TRPC6: variants seen among roughly 807,000 people sequenced by gnomAD.
The protein encoded by TRPC6 is transient receptor potential cation channel subfamily C member 6.
TRPC6 carries 55 observed loss-of-function variants against 90.7 expected under a neutral mutation model. The ratio of observed to expected loss-of-function variants is 0.61; its 90% CI spans 0.49 to 0.76. The LOEUF (loss-of-function observed/expected upper bound fraction) is 0.76, where lower values mean the gene tolerates loss of function less well. Among genes scored for constraint, TRPC6 ranks in the 30% least tolerant of loss-of-function variants. TRPC6 has a pLI of 0.00. For missense variants in TRPC6, 989 were observed against 1,122.7 expected (o/e 0.88, Z 1.70); for synonymous variants, 393 against 393.0 (o/e 1.00, Z 0.00).
chr11:101,494,593 AAAGT>A (rs1166637602), intron 2 of TRPC6, among the ~76,000 whole-genome samples: 2 of 152,226 alleles, frequency 1.3e-5, no homozygotes, highest in Admixed American at 6.5e-5. Context: ...TAAAAGCAAC[AAAGT>A]AATTGTCAAA....
intron 5 of TRPC6, among the ~76,000 whole-genome samples, chr11:101,481,659 TA>T (rs1859554526): frequency 6.6e-6 from 1 of 152,144 alleles, no homozygotes; most frequent in Non-Finnish European, 1.5e-5. Flanking sequence ...GTTTACCTAT[TA>T]GGGTGCTCTC....
chr11:101,477,063 G>C (rs577241151), intron 5 of TRPC6, among the ~76,000 whole-genome samples: 1 of 151,836 alleles, frequency 6.6e-6, no homozygotes, highest in African/African-American at 2.4e-5. Flanking sequence ...GTCTCCCCCC[G>C]GCTGCTCTCA....
intron 1 of TRPC6, among the ~76,000 whole-genome samples, chr11:101,582,478 G>T (rs982868994): frequency 1.3e-5 from 2 of 152,100 alleles, no homozygotes; most frequent in Non-Finnish European, 2.9e-5. Flanking sequence ...TGCACATGTG[G>T]TCACAGCGGT....
chr11:101,528,695 G>A (rs1338306388), intron 1 of TRPC6, among the ~76,000 whole-genome samples: 1 of 152,044 alleles, frequency 6.6e-6, no homozygotes, highest in Non-Finnish European at 1.5e-5. Flanking sequence ...TACTTTCTTA[G>A]CCTGTGCATA....
chr11:101,453,562 C>G (rs192795469), intron 12 of TRPC6, 88 bp downstream of exon 12: 1 of 1,225,820 alleles, frequency 8.2e-7, no homozygotes, highest in East Asian at 2.3e-5. Context: ...TCTCCCTGTA[C>G]GCATCTCTGC....
chr11:101,453,987 G>A (rs1319581710), intron 11 of TRPC6, among the ~76,000 whole-genome samples: 2 of 152,130 alleles, frequency 1.3e-5, no homozygotes, highest in Non-Finnish European at 2.9e-5. Context: ...AATCCTTTAT[G>A]TCCATTGCTT....
intron 1 of TRPC6, among the ~76,000 whole-genome samples, chr11:101,539,809 T>G (rs1048763087): frequency 6.6e-6 from 1 of 152,164 alleles, no homozygotes; most frequent in African/African-American, 2.4e-5. Flanking sequence ...AGCGTTACAT[T>G]AAAATATATT....
intron 1 of TRPC6, among the ~76,000 whole-genome samples, chr11:101,569,930 A>C (rs1861920833): frequency 6.6e-6 from 1 of 152,174 alleles, no homozygotes; most frequent in African/African-American, 2.4e-5. Flanking sequence ...GAGATCTAAA[A>C]TTGACACCCG....
intron 1 of TRPC6, among the ~76,000 whole-genome samples, chr11:101,515,783 G>A (rs1860503398): frequency 6.6e-6 from 1 of 152,092 alleles, no homozygotes; most frequent in Non-Finnish European, 1.5e-5. Flanking sequence ...ATCATGTCAA[G>A]TAAATTATAA....
chr11:101,574,892 C>G (rs565177920), intron 1 of TRPC6, among the ~76,000 whole-genome samples: 1 of 152,176 alleles, frequency 6.6e-6, no homozygotes, highest in South Asian at 2.1e-4. Flanking sequence ...AGAACTCTTC[C>G]TAGTTTTTTT....
chr11:101,557,704 A>C (rs1339598742), intron 1 of TRPC6, among the ~76,000 whole-genome samples: 3 of 152,194 alleles, frequency 2.0e-5, no homozygotes, highest in Non-Finnish European at 4.4e-5. Flanking sequence ...AATCAGTAAC[A>C]TTTCTATACA....
intron 2 of TRPC6, among the ~76,000 whole-genome samples, chr11:101,502,058 G>A (rs1287307627): frequency 6.6e-6 from 1 of 152,108 alleles, no homozygotes; most frequent in Non-Finnish European, 1.5e-5. Context: ...GGAGCAAATA[G>A]GGAAGCACAA....
chr11:101,460,565 T>G (rs909050837), intron 10 of TRPC6, among the ~76,000 whole-genome samples: 2 of 152,204 alleles, frequency 1.3e-5, no homozygotes, highest in Non-Finnish European at 2.9e-5. Context: ...ATGTGTGTGA[T>G]ATTTAATTGA....
At chr11:101,578,824 A>C (rs1010436082) in intron 1 of TRPC6, among the ~76,000 whole-genome samples, 6 of 152,154 alleles carry the variant, frequency 3.9e-5, no homozygotes, top group African/African-American at 1.4e-4. Flanking sequence ...TCTTTAACCA[A>C]GGTAATATCA....
At chr11:101,575,726 T>C (rs903830261) in intron 1 of TRPC6, among the ~76,000 whole-genome samples, 2 of 152,170 alleles carry the variant, frequency 1.3e-5, no homozygotes, top group African/African-American at 4.8e-5. Flanking sequence ...CCTCCAAAGA[T>C]GGCTAAGATT....
chr11:101,530,365 G>A (rs550066428), intron 1 of TRPC6, among the ~76,000 whole-genome samples: 1 of 152,174 alleles, frequency 6.6e-6, no homozygotes, highest in African/African-American at 2.4e-5. Context: ...TGTCTCCAGT[G>A]CCCTTCAATT....
intron 2 of TRPC6, among the ~76,000 whole-genome samples, chr11:101,502,203 T>G (rs1282049672): frequency 6.6e-6 from 1 of 152,168 alleles, no homozygotes; most frequent in Non-Finnish European, 1.5e-5. Flanking sequence ...TGCAATGCAT[T>G]TAGGGACCAT....
intron 1 of TRPC6, among the ~76,000 whole-genome samples, chr11:101,532,362 A>T (rs1447542621): frequency 6.6e-6 from 1 of 152,136 alleles, no homozygotes; most frequent in East Asian, 1.9e-4. Context: ...GCCTCACTCC[A>T]CCTTTGAGGA....
intron 4 of TRPC6, among the ~76,000 whole-genome samples, chr11:101,487,536 C>T (rs571281542): frequency 6.6e-6 from 1 of 152,172 alleles, no homozygotes; most frequent in Admixed American, 6.5e-5. Flanking sequence ...CTCTTCTGAG[C>T]CCCCACTTTT....
Sources: gnomAD v4.1 joint callset for allele counts (sites outside exome capture counted in the v4.1 genomes callset) on GRCh38, gnomAD v4.1.1 for gene constraint, MANE v1.5 for transcripts, NCBI Gene and HGNC (gene_info 2026-07-23, HGNC 2026-07-21) for gene names.